The following FAM83H variants were observed in gnomAD, a reference collection of about 807,000 sequenced individuals.
FAM83H encodes scaffolding CK1 anchoring protein H.
A neutral mutation model predicts 30.2 loss-of-function variants in FAM83H; 24 were observed. The ratio of observed to expected loss-of-function variants is 0.79; its 90% CI spans 0.57 to 1.12. The LOEUF (loss-of-function observed/expected upper bound fraction) is 1.12, where lower values mean the gene tolerates loss of function less well. Ranked by LOEUF, FAM83H falls within the 50% of genes most tolerant of loss-of-function variation. FAM83H has a pLI of 0.00. For synonymous variants in FAM83H, 1,013 were observed against 821.7 expected (o/e 1.23, Z -3.98); for missense variants, 2,038 against 1,773.9 (o/e 1.15, Z -2.67).
Position 143,728,612 on chromosome 8 carries a change from C to T in FAM83H, c.849G>A (p.Pro283=), listed in dbSNP as rs782074594. ...EFRILFAQSE[P]LVPSAAALAR... ...CCAGGGCCGCGGCCGAGGGCACAAG[C>T]GGCTCGGACTGCGCGAAGAGGATGC... is the stretch of plus-strand genomic sequence containing the variant. Residue 283 remains proline, a synonymous_variant, in exon 5 of 5, where the codon CCG becomes CCA. Transcript: ENST00000388913. The T allele has an allele frequency of 3.1e-6, 5 of 1,609,434 alleles. No individual in the cohort carries two copies. The highest frequency in any genetic ancestry group is 1.6e-4 in the Middle Eastern group (1 of 6,078).
intron 4 of FAM83H, 30 bp downstream of exon 4, chr8:143,728,937 G>A (rs1554623645): frequency 3.1e-6 from 5 of 1,612,954 alleles, no homozygotes; most frequent in African/African-American, 1.3e-5. Context: ...AGGCCCCAGA[G>A]AAGGGGGTGA....
chr8:143,731,424 G>A (rs1818517467), intron 1 of FAM83H: 5 of 985,288 alleles, frequency 5.1e-6, no homozygotes, highest in Non-Finnish European at 6.0e-6. Context: ...CCTCCTCCTG[G>A]AATGGCAACC....
chr8:143,731,573 C>T (rs1409387944), intron 1 of FAM83H: 23 of 985,214 alleles, frequency 2.3e-5, no homozygotes, highest in Non-Finnish European at 2.7e-5. Flanking sequence ...CCAGCACCCC[C>T]TCCTTCCCTT....
Position 143,726,380 on chromosome 8 carries a change from C to T in FAM83H, c.3081G>A (p.Thr1027=). 4 of 1,610,314 alleles carry T rather than the reference C, an allele frequency of 2.5e-6. No homozygotes were observed. Among genetic ancestry groups the T allele is most frequent in the African/African-American group, 1.3e-5 (1 of 75,032 alleles). Reference sequence around the variant, plus strand: ...GGTTGCTGCTGTACAAGGCGTTGGCCGTGGCTGAGGACAGGCGCGCCCGCG... The same window carrying T: ...GGTTGCTGCTGTACAAGGCGTTGGCTGTGGCTGAGGACAGGCGCGCCCGCG... ...RGPRARLSSA[T]ANALYSSNLR... is the part of the protein sequence containing the mutation. Residue 1027 remains threonine (T), a synonymous_variant, in exon 5 of 5, where the codon ACG becomes ACA. Coordinates refer to ENST00000388913, the MANE Select transcript of FAM83H (RefSeq NM_198488.5).
intron 1 of FAM83H, chr8:143,732,409 A>G: frequency 1.0e-6 from 1 of 985,324 alleles, no homozygotes; most frequent in African/African-American, 1.7e-5. Flanking sequence ...CCCACTCACC[A>G]TTGCCAGCCT....
rs1185881942 is a variant in FAM83H at position 143,733,518 on chromosome 8, C to T, written c.-16+173G>A. Among the ~76,000 whole-genome samples, 1 of 151,938 alleles carries T rather than the reference C, an allele frequency of 6.6e-6. No homozygotes were observed. The highest frequency in any genetic ancestry group is 1.5e-5 in the Non-Finnish European group (1 of 67,932). ...CAGCGGCGCCCCCTGTCCGAGCAGCCCCGCCACCCCGGCCCCGCGCACGCG... is the reference window on the plus strand; with the variant it reads ...CAGCGGCGCCCCCTGTCCGAGCAGCTCCGCCACCCCGGCCCCGCGCACGCG... On this transcript the variant is annotated intron_variant, in intron 1 of 4. Transcript: ENST00000388913. This position sits in a 1 kb window ranked among gnomAD's most constrained non-coding sequence, Gnocchi z 5.6.
Position 143,726,736 on chromosome 8 carries a change from G to A in FAM83H, c.2725C>T (p.Pro909Ser), listed in dbSNP as rs782682699. The A allele has an allele frequency of 3.7e-6, 6 of 1,611,824 alleles. No homozygotes were observed. The highest frequency in any genetic ancestry group is 1.1e-5 in the South Asian group (1 of 90,962). ...EQKGSPTSAY[P>S]ERRGSPVPPV... Reference sequence around the variant, plus strand: ...GGCACCGGACTACCCCTGCGCTCGGGGTAGGCTGAGGTGGGGCTCCCCTTC... The same window carrying A: ...GGCACCGGACTACCCCTGCGCTCGGAGTAGGCTGAGGTGGGGCTCCCCTTC... The change falls in exon 5 of 5, where the codon CCC becomes TCC. Residue 909 changes from proline to serine, a missense_variant. Pro to Ser is a moderately conservative substitution (Grantham distance 74, BLOSUM62 -1). Coordinates refer to ENST00000388913, the MANE Select transcript of FAM83H (RefSeq NM_198488.5).
In FAM83H at chr8:143,728,333, G is replaced by A; in HGVS notation, c.1128C>T (p.Leu376=). 1.4e-6 allele frequency: 2 copies of A among 1,454,630 alleles called. No homozygotes were observed. The highest frequency in any genetic ancestry group is 1.8e-6 in the Non-Finnish European group (2 of 1,109,294). 90.1% of individuals were successfully genotyped at this position (1,454,630 alleles called of 1,614,324 possible). A position where few individuals can be genotyped will look rare whatever the true frequency, so the allele number is the denominator to read the frequency against. Residue 376 remains leucine, a synonymous_variant, in exon 5 of 5, where the codon CTC becomes CTT. Transcript: ENST00000388913. ...CGGCCTCGGCCTCCAGGCGCCGCGA[G>A]AGCGGCCGCAGCCCCGCGTGCGGTT... ...ALEPHAGLRP[L]SRRLEAEAGP... is the part of the protein sequence containing the mutation.
Position 143,727,176 on chromosome 8 carries a change from T to C in FAM83H, c.2285A>G (p.Lys762Arg). 6.5e-7 allele frequency: 1 copy of C among 1,533,878 alleles called. No individual in the cohort carries two copies. The highest frequency in any genetic ancestry group is 8.7e-7 in the Non-Finnish European group (1 of 1,145,660). Residue 762 changes from lysine (K) to arginine (R), a missense_variant, in exon 5 of 5, where the codon AAG becomes AGG. Physicochemically the swap from Lys to Arg is conservative, Grantham distance 26. Transcript: ENST00000388913. ...AGAITVASHS[K>R]AVVSQAWREE... ...CCGCCACGCCTGGGACACGACGGCC[T>C]TGCTGTGGCTGGCAACGGTGATGGC... is the stretch of plus-strand genomic sequence containing the variant.
chr8:143,726,638 G>A lies in FAM83H; in HGVS notation c.2823C>T (p.Ile941=). 1 of 1,598,354 alleles carries A rather than the reference G, an allele frequency of 6.3e-7. No homozygotes were observed. The highest frequency in any genetic ancestry group is 8.5e-7 in the Non-Finnish European group (1 of 1,177,710). The change falls in exon 5 of 5, where the codon ATC becomes ATT. Residue 941 remains isoleucine, a synonymous_variant. Transcript: ENST00000388913. ...GCCCGGCCTTCGGGGACTCCCCGGA[G>A]ATGGTAAGGGTGAGGCTGCCCCTGC... ...PERRGSLTLT[I]SGESPKAGPA... is the part of the protein sequence containing the mutation.
At chr8:143,729,984 A>G (rs1818455362) in intron 2 of FAM83H, 152 bp downstream of exon 2, 1 of 708,124 alleles carries the variant, frequency 1.4e-6, no homozygotes, top group East Asian at 2.8e-5. Flanking sequence ...GATGACCGAG[A>G]CCTGGCAGCC....
chr8:143,730,925 C>G (rs1818494378), intron 1 of FAM83H, among the ~76,000 whole-genome samples: 1 of 152,106 alleles, frequency 6.6e-6, no homozygotes, highest in Non-Finnish European at 1.5e-5. Flanking sequence ...AAGACCCCAT[C>G]TCTACAAAAA....
Position 143,729,335 on chromosome 8 carries a change from G to A in FAM83H, c.448-12C>T. The A allele has an allele frequency of 6.2e-7, 1 of 1,612,596 alleles. No homozygotes were observed. Among genetic ancestry groups the A allele is most frequent in the Non-Finnish European group, 8.5e-7 (1 of 1,179,928 alleles). ...ACCACGGCCACCACCTGCAGGGGCG[G>A]GTCAGGACGGAGAGGAGAGGCCCCT... On this transcript the variant is annotated splice_polypyrimidine_tract_variant and intron_variant, in intron 2 of 4. Transcript: ENST00000388913.
intron 1 of FAM83H, among the ~76,000 whole-genome samples, 198 bp from the exon 2 acceptor site, chr8:143,730,795 G>A (rs1219145238): frequency 6.6e-6 from 1 of 152,182 alleles, no homozygotes; most frequent in African/African-American, 2.4e-5. Context: ...CCCTAGCTGA[G>A]GGGACACTGG....
rs1554621805 is a variant in FAM83H at position 143,726,457 on chromosome 8, G to A, written c.3004C>T (p.Leu1002=). Reference sequence around the variant, plus strand: ...GTGCTGTCACCCTGGCCCAGTGACAGACGCCGCGGGCTCTCGGGTTGGCCG... The same window carrying A: ...GTGCTGTCACCCTGGCCCAGTGACAAACGCCGCGGGCTCTCGGGTTGGCCG... ...ENGQPESPRR[L]SLGQGDSTEA... is the part of the protein sequence containing the mutation. Residue 1002 remains leucine (L), a synonymous_variant, in exon 5 of 5, where the codon CTG becomes TTG. Transcript: ENST00000388913. 3.7e-6 allele frequency: 6 copies of A among 1,602,390 alleles called. No homozygotes were observed. The highest frequency in any genetic ancestry group is 5.1e-6 in the Non-Finnish European group (6 of 1,177,628).
rs528562433 is a variant in FAM83H at position 143,729,332 on chromosome 8, G to A, written c.448-9C>T. On this transcript the variant is annotated splice_polypyrimidine_tract_variant and intron_variant, in intron 2 of 4. Coordinates refer to ENST00000388913, the MANE Select transcript of FAM83H (RefSeq NM_198488.5). ...ATCACCACGGCCACCACCTGCAGGG[G>A]CGGGTCAGGACGGAGAGGAGAGGCC... The A allele has an allele frequency of 4.3e-6, 7 of 1,612,808 alleles. No homozygotes were observed. Among genetic ancestry groups the A allele is most frequent in the Middle Eastern group, 1.7e-4 (1 of 6,052 alleles).
rs1554622733 is a variant in FAM83H at position 143,727,632 on chromosome 8, T to A, written c.1829A>T (p.Glu610Val). The change falls in exon 5 of 5, where the codon GAA (glutamate) becomes GTA (valine). Residue 610 changes from glutamate (E) to valine (V), a missense_variant. Glu to Val is a moderately radical substitution (Grantham distance 121, BLOSUM62 -2). Transcript: ENST00000388913. The part of the protein sequence containing the change: ...LPAPMEAEAY[E>V]DDVLAPGGRA... ...GCCCCCGGGAGCCAGCACGTCGTCT[T>A]CGTAAGCCTCCGCTTCCATGGGCGC... 2 of 1,582,414 alleles carry A rather than the reference T, an allele frequency of 1.3e-6. No individual in the cohort carries two copies. The highest frequency in any genetic ancestry group is 1.1e-5 in the South Asian group (1 of 88,624).
At chr8:143,732,002 C>T (rs1554624641) in intron 1 of FAM83H, 1 of 985,342 alleles carries the variant, frequency 1.0e-6, no homozygotes, top group Non-Finnish European at 1.2e-6. Flanking sequence ...ACACCTGTCC[C>T]CGCCTAGCAC....
At chr8:143,729,412 G>T in intron 2 of FAM83H, 89 bp from the exon 3 acceptor site, 1 of 1,446,662 alleles carries the variant, frequency 6.9e-7, no homozygotes, top group Non-Finnish European at 9.6e-7. Context: ...GAGGTGTCTG[G>T]ATCACCCACG....
Sources: allele counts gnomAD v4.1 joint callset (sites outside exome capture counted in the v4.1 genomes callset), GRCh38; gene constraint gnomAD v4.1.1; non-coding constraint Gnocchi (gnomAD v3.1); transcripts MANE v1.5; gene names NCBI Gene and HGNC (gene_info 2026-07-23, HGNC 2026-07-21).